Variants in EVC2 observed in about 807,000 individuals in gnomAD.
The protein encoded by EVC2 is EvC ciliary complex subunit 2, also known as limbin.
In EVC2, 148 loss-of-function variants were observed where a neutral mutation model predicts 149.3. That is an observed-to-expected ratio of 0.99 (90% CI 0.87 to 1.14). The LOEUF is 1.14. Ranked by LOEUF, EVC2 falls within the 50% of genes most tolerant of loss-of-function variation. The pLI is 0.00. For synonymous variants in EVC2, 776 were observed against 649.9 expected, an observed-to-expected ratio of 1.19 and a Z score of -2.95; for missense variants, 1,854 against 1,627.3, an observed-to-expected ratio of 1.14 and a Z score of -2.40.
chr4:5,673,184 C>T (rs571683223), intron 7 of EVC2, among the ~76,000 whole-genome samples: 56 of 152,302 alleles, frequency 3.7e-4, no homozygotes, highest in African/African-American at 1.3e-3. Flanking sequence ...TTATGGTACA[C>T]AGAAGTCAGA....
chr4:5,593,940 T>A (rs560493148), intron 16 of EVC2, among the ~76,000 whole-genome samples: 319 of 152,240 alleles, frequency 2.1e-3, no homozygotes, highest in African/African-American at 7.0e-3. Flanking sequence ...GCTTGGAGGG[T>A]CCTACACCCA....
chr4:5,613,399 C>T lies in EVC2; in HGVS notation c.2829+2023G>A, dbSNP rs1715005652. ...TCACCTTCACTCTGGCGGGTTTCAC[C>T]TCTTACAGAGGATCACAAAGCAGCC... On this transcript the variant is annotated intron_variant, in intron 16 of 21. Coordinates refer to ENST00000344408, the MANE Select transcript of EVC2 (RefSeq NM_147127.5). The surrounding 1 kb of genome is among the most constrained non-coding windows in gnomAD (Gnocchi z 4.6). Among the ~76,000 whole-genome samples, 1 of 152,210 alleles carries T rather than the reference C, an allele frequency of 6.6e-6. No individual in the cohort carries two copies. Among genetic ancestry groups the T allele is most frequent in the Admixed American group, 6.5e-5 (1 of 15,288 alleles).
rs1553855127 is a variant in EVC2, at chr4:5,708,387, C to CGAGGGGGCGCCAGCGGGGACGT, written c.105_126dup (p.Gly43ThrfsTer20). Reference sequence around the variant, plus strand: ...TGGGGATCCCGGGGTGGCTGCGCGCCGAGGGGGCGCCAGCGGGGACGTGAG... The same window carrying CGAGGGGGCGCCAGCGGGGACGT: ...TGGGGATCCCGGGGTGGCTGCGCGCCGAGGGGGCGCCAGCGGGGACGTGAGGGGGCGCCAGCGGGGACGTGAG... On this transcript the variant is annotated frameshift_variant, in exon 1 of 22. Coordinates refer to ENST00000344408, the MANE Select transcript of EVC2 (RefSeq NM_147127.5). LOFTEE classifies it high-confidence loss of function. 8.7e-6 allele frequency: 13 copies of CGAGGGGGCGCCAGCGGGGACGT among 1,494,862 alleles called. No homozygotes were observed. Among genetic ancestry groups the CGAGGGGGCGCCAGCGGGGACGT allele is most frequent in the Non-Finnish European group, 9.7e-6 (11 of 1,129,650 alleles). 92.6% of individuals were successfully genotyped at this position (1,494,862 alleles called of 1,614,324 possible). A position where few individuals can be genotyped will look rare whatever the true frequency, so the allele number is the denominator to read the frequency against.
chr4:5,593,927 C>A (rs141717706), intron 16 of EVC2, among the ~76,000 whole-genome samples: 3,432 of 152,346 alleles, frequency 0.023, 122 homozygotes, highest in African/African-American at 0.077. Flanking sequence ...TATCCCCCAC[C>A]TGGCTTGGAG....
At chr4:5,702,166 T>C (rs912481871) in intron 1 of EVC2, among the ~76,000 whole-genome samples, 3 of 152,004 alleles carry the variant, frequency 2.0e-5, no homozygotes, top group Non-Finnish European at 4.4e-5. Context: ...CGTCCCCCAC[T>C]CCATTCGGGG....
chr4:5,584,918 C>T, intron 16 of EVC2, 68 bp from the exon 17 acceptor site: 2 of 1,543,386 alleles, frequency 1.3e-6, no homozygotes, highest in Non-Finnish European at 1.8e-6. Context: ...GGAGAACAAA[C>T]AGCCTTTCAG....
At position 5,708,354 on chromosome 4, in the gene EVC2, G is replaced by A. The variant is rs756796705; in HGVS notation, c.160C>T (p.Pro54Ser). 35 of 1,486,432 alleles carry A rather than the reference G, an allele frequency of 2.4e-5. No homozygotes were observed. The highest frequency in any genetic ancestry group is 4.4e-5 in the African/African-American group (3 of 68,336). 92.1% of individuals were successfully genotyped at this position (1,486,432 alleles called of 1,614,324 possible). A position where few individuals can be genotyped will look rare whatever the true frequency, so the allele number is the denominator to read the frequency against. The stretch of plus-strand genomic sequence containing the variant: ...ATCCTCAGGCCGGGCCCAGACCTAG[G>A]AGCCACCTGGGGATCCCGGGGTGGC... ...AQPPRDPQVA[P>S]RSGPGLRIPP... The change falls in exon 1 of 22, where the codon CCT becomes TCT. Residue 54 changes from proline (P) to serine (S), a missense_variant. By Grantham distance (74) the Pro-to-Ser change is moderately conservative (BLOSUM62 -1). Transcript: ENST00000344408.
At position 5,618,130 on chromosome 4, in the gene EVC2, T is replaced by C. The variant is rs1036480362; in HGVS notation, c.2706+348A>G. Among the ~76,000 whole-genome samples, 4 of 152,136 alleles carry C rather than the reference T, an allele frequency of 2.6e-5. No individual in the cohort carries two copies. The highest frequency in any genetic ancestry group is 9.7e-5 in the African/African-American group (4 of 41,430). ...GGCCTTTTGTACCCAGAGTCAGTCATTAGCTGTGGCTGGAGGAGGGGGCAG... is the reference window on the plus strand; with the variant it reads ...GGCCTTTTGTACCCAGAGTCAGTCACTAGCTGTGGCTGGAGGAGGGGGCAG... On this transcript the variant is annotated intron_variant, in intron 15 of 21. Transcript: ENST00000344408. The surrounding 1 kb of genome is among the most constrained non-coding windows in gnomAD (Gnocchi z 4.4).
At chr4:5,615,822 C>G (rs151306691) in intron 15 of EVC2, among the ~76,000 whole-genome samples, 1 of 152,180 alleles carries the variant, frequency 6.6e-6, no homozygotes, top group Admixed American at 6.5e-5. Flanking sequence ...AGAGCAGACC[C>G]AAGGCGTGTC....
chr4:5,615,654 G>A (rs549052791), intron 15 of EVC2, 110 bp from the exon 16 acceptor site: 114 of 1,486,844 alleles, frequency 7.7e-5, no homozygotes, highest in South Asian at 5.5e-4. Flanking sequence ...TCCCAGAACT[G>A]CAAAACTCTG....
the EVC2 span, among the ~76,000 whole-genome samples, chr4:5,529,645 A>G: frequency 6.6e-6 from 1 of 152,182 alleles, no homozygotes; most frequent in Admixed American, 6.5e-5. The surrounding 1 kb of genome is among the most constrained non-coding windows in gnomAD (Gnocchi z 4.5). Flanking sequence ...GTAAATTGAA[A>G]TACATTGGAA....
chr4:5,699,699 T>C (rs1044431575), intron 1 of EVC2, among the ~76,000 whole-genome samples: 5 of 150,414 alleles, frequency 3.3e-5, no homozygotes, highest in South Asian at 4.2e-4. Flanking sequence ...CACATGCCTA[T>C]ACTCCCAGCT....
In EVC2 at chr4:5,578,997, G is replaced by C. The variant is rs1399626437; in HGVS notation, c.3058-2543C>G. Among the ~76,000 whole-genome samples the C allele has an allele frequency of 4.6e-5, 7 of 152,174 alleles. No individual in the cohort carries two copies. The East Asian group carries it at 1.3e-3, about 29-fold the overall frequency. ...AGATCCTTCAAAGGGACCCATGCCT[G>C]AATGTGTCTCCAATGCTCAGGGGGC... On this transcript the variant is annotated intron_variant, in intron 17 of 21. Coordinates refer to ENST00000344408, the MANE Select transcript of EVC2 (RefSeq NM_147127.5).
intron 16 of EVC2, among the ~76,000 whole-genome samples, chr4:5,594,460 C>T (rs533875684): frequency 6.6e-6 from 1 of 152,218 alleles, no homozygotes; most frequent in Non-Finnish European, 1.5e-5. Context: ...CCCAGGTAAA[C>T]AGCGTCTGGA....
intron 19 of EVC2, among the ~76,000 whole-genome samples, chr4:5,571,739 C>T (rs1047555328): frequency 6.6e-6 from 1 of 152,218 alleles, no homozygotes; most frequent in African/African-American, 2.4e-5. Flanking sequence ...GTCCATTTGG[C>T]TGGGCCACTG....
chr4:5,677,938 T>A lies in EVC2; in HGVS notation c.870+3322A>T, dbSNP rs1720100240. Among the ~76,000 whole-genome samples, 1 of 152,214 alleles carries A rather than the reference T, an allele frequency of 6.6e-6. No homozygotes were observed. The highest frequency in any genetic ancestry group is 6.5e-5 in the Admixed American group (1 of 15,286). The stretch of plus-strand genomic sequence containing the variant: ...TCTCTTCTGTGCAGGACTCTGGCTC[T>A]CTGGGAGGCGGTGTGGTCCAGTGCC... On this transcript the variant is annotated intron_variant, in intron 7 of 21. Coordinates refer to ENST00000344408, the MANE Select transcript of EVC2 (RefSeq NM_147127.5). This position sits in a 1 kb window ranked among gnomAD's most constrained non-coding sequence, Gnocchi z 4.3.
In EVC2 at chr4:5,576,723, G is replaced by A. The variant is rs1047340516; in HGVS notation, c.3058-269C>T. 7.9e-5 allele frequency among the ~76,000 whole-genome samples: 12 copies of A among 152,100 alleles called. No individual in the cohort carries two copies. The highest frequency in any genetic ancestry group is 1.2e-4 in the African/African-American group (5 of 41,398). ...ATCCCCAGTCTTCTTTCACCCCTCC[G>A]CTTAAGAAGAAACTCCTTGGTGAAG... On this transcript the variant is annotated intron_variant, in intron 17 of 21. Coordinates refer to ENST00000344408, the MANE Select transcript of EVC2 (RefSeq NM_147127.5). This position sits in a 1 kb window ranked among gnomAD's most constrained non-coding sequence, Gnocchi z 4.5.
chr4:5,689,585 A>C (rs572934810), intron 4 of EVC2, among the ~76,000 whole-genome samples: 2 of 152,342 alleles, frequency 1.3e-5, no homozygotes, highest in South Asian at 4.1e-4. Flanking sequence ...GCTGAAATGC[A>C]GTGAAATAAT....
intron 2 of EVC2, among the ~76,000 whole-genome samples, chr4:5,695,284 G>A (rs111481466): frequency 0.029 from 4,439 of 151,322 alleles, 175 homozygotes; most frequent in African/African-American, 0.1. Context: ...GGAGGCGGAG[G>A]TTGCAGTGAG....
Sources: allele counts gnomAD v4.1 joint callset (sites outside exome capture counted in the v4.1 genomes callset), GRCh38; gene constraint gnomAD v4.1.1; non-coding constraint Gnocchi (gnomAD v3.1); transcripts MANE v1.5; gene names NCBI Gene and HGNC (gene_info 2026-07-23, HGNC 2026-07-21).